Variants in SLX4IP observed in about 807,000 individuals in gnomAD.
SLX4IP encodes the protein SLX4 interacting protein.
In SLX4IP, 34 loss-of-function variants were observed where a neutral mutation model predicts 32.9. That is an observed-to-expected ratio of 1.03 (90% CI 0.79 to 1.38). The LOEUF is 1.38. Among genes scored for constraint, SLX4IP ranks in the 40% most tolerant of loss-of-function variants. The pLI is 0.00. For missense variants in SLX4IP, 444 were observed against 479.0 expected, an observed-to-expected ratio of 0.93 and a Z score of 0.68; for synonymous variants, 172 against 171.7, an observed-to-expected ratio of 1.00 and a Z score of -0.01.
chr20:10,557,685 G>T (rs1262201897), intron 3 of SLX4IP, among the ~76,000 whole-genome samples: 1 of 152,136 alleles, frequency 6.6e-6, no homozygotes, highest in Non-Finnish European at 1.5e-5. Flanking sequence ...TTCCCTTTCG[G>T]CTTTGCCACC....
intron 6 of SLX4IP, among the ~76,000 whole-genome samples, chr20:10,617,332 TG>T (rs2067047337): frequency 6.6e-6 from 1 of 152,186 alleles, no homozygotes; most frequent in Non-Finnish European, 1.5e-5. Context: ...GGATGGGTCT[TG>T]GGAATCTCCA....
intron 4 of SLX4IP, among the ~76,000 whole-genome samples, chr20:10,580,806 T>A (rs1263916600): frequency 6.6e-6 from 1 of 152,174 alleles, no homozygotes; most frequent in Non-Finnish European, 1.5e-5. Flanking sequence ...ACTCCTCTAC[T>A]GAAATCATTT....
intron 2 of SLX4IP, among the ~76,000 whole-genome samples, chr20:10,533,681 A>G (rs546709232): frequency 3.4e-4 from 48 of 141,902 alleles, no homozygotes; most frequent in Non-Finnish European, 4.5e-4. Context: ...ATGCAATGGC[A>G]TGATTTTAGC....
intron 2 of SLX4IP, among the ~76,000 whole-genome samples, chr20:10,474,276 CAA>C (rs1157410095): frequency 3.3e-5 from 5 of 152,188 alleles, no homozygotes; most frequent in Non-Finnish European, 7.3e-5. Flanking sequence ...GCTGGTCTAA[CAA>C]TATTTCAAGT....
chr20:10,520,191 C>G (rs1368788618), intron 2 of SLX4IP, among the ~76,000 whole-genome samples: 1 of 152,104 alleles, frequency 6.6e-6, no homozygotes, highest in Non-Finnish European at 1.5e-5. Context: ...GCTGGGACTA[C>G]AGGCGCCCGC....
At chr20:10,560,512 C>T (rs752230724) in intron 3 of SLX4IP, among the ~76,000 whole-genome samples, 188 bp from the exon 4 acceptor site, 2 of 152,184 alleles carry the variant, frequency 1.3e-5, no homozygotes, top group Non-Finnish European at 2.9e-5. Flanking sequence ...ATCATGGTTT[C>T]GAGCAAACTT....
At chr20:10,471,431 A>G (rs2065424095) in intron 2 of SLX4IP, among the ~76,000 whole-genome samples, 1 of 152,224 alleles carries the variant, frequency 6.6e-6, no homozygotes, top group South Asian at 2.1e-4. Context: ...CAGAGCACCC[A>G]GCATAGCTGG....
Position 10,440,314 on chromosome 20 carries a change from G to GC in SLX4IP, c.-30+4862dup, listed in dbSNP as rs575506440. Among the ~76,000 whole-genome samples, 205 of 151,944 alleles carry GC rather than the reference G, an allele frequency of 1.3e-3. 1 individual carries two copies. Among genetic ancestry groups the GC allele is most frequent in the African/African-American group, 4.7e-3 (196 of 41,436 alleles). ...TACTAAAAATACAAAAATTAGCTGG[G>GC]CATGGTGGTGCACACCTGTAATCCT... On this transcript the variant is annotated intron_variant, in intron 1 of 7. Transcript: ENST00000334534.
At chr20:10,452,680 A>AATATATATAT (rs1280513421) in intron 1 of SLX4IP, among the ~76,000 whole-genome samples, 3 of 109,502 alleles carry the variant, frequency 2.7e-5, no homozygotes, top group Middle Eastern at 4.6e-3. Context: ...AAAAAAAAAA[A>AATATATATAT]ATATATATAT....
chr20:10,439,518 T>C (rs1429983642), intron 1 of SLX4IP, among the ~76,000 whole-genome samples: 1 of 152,220 alleles, frequency 6.6e-6, no homozygotes, highest in African/African-American at 2.4e-5. Context: ...CCTAACAATT[T>C]TTTTAGAAGT....
At chr20:10,509,421 A>C (rs190737160) in intron 2 of SLX4IP, among the ~76,000 whole-genome samples, 1 of 152,224 alleles carries the variant, frequency 6.6e-6, no homozygotes, top group Admixed American at 6.5e-5. Context: ...CCATGGGTGA[A>C]ATTGCTCTGA....
At chr20:10,501,185 T>C (rs1456650783) in intron 2 of SLX4IP, among the ~76,000 whole-genome samples, 1 of 152,174 alleles carries the variant, frequency 6.6e-6, no homozygotes, top group Non-Finnish European at 1.5e-5. Context: ...ACATTGTAGT[T>C]ATATAATATT....
chr20:10,458,178 C>A lies in SLX4IP; in HGVS notation c.-27C>A. On this transcript the variant is annotated splice_region_variant and 5_prime_UTR_variant, in exon 2 of 8. It adds an upstream start codon to the 5' untranslated region. Coordinates refer to ENST00000334534, the MANE Select transcript of SLX4IP (RefSeq NM_001009608.3). ...TGTAACTTTTTTTTTTCTTAAAGGT[C>A]TGTAGTTACTGTGGAATCAATAAGC... is the stretch of plus-strand genomic sequence containing the variant. The A allele has an allele frequency of 1.3e-6, 2 of 1,562,162 alleles. No individual in the cohort carries two copies. The highest frequency in any genetic ancestry group is 8.6e-7 in the Non-Finnish European group (1 of 1,161,608).
At chr20:10,554,689 C>A (rs952261873) in intron 2 of SLX4IP, among the ~76,000 whole-genome samples, 2 of 152,088 alleles carry the variant, frequency 1.3e-5, no homozygotes, top group African/African-American at 4.8e-5. Context: ...TGCCTGATGA[C>A]TAATGATATT....
intron 2 of SLX4IP, among the ~76,000 whole-genome samples, chr20:10,473,366 T>A (rs1389523661): frequency 6.6e-6 from 1 of 152,176 alleles, no homozygotes; most frequent in Non-Finnish European, 1.5e-5. Flanking sequence ...CATTAGTATC[T>A]CCCACAGTCA....
At chr20:10,464,754 AC>A (rs2065366099) in intron 2 of SLX4IP, among the ~76,000 whole-genome samples, 1 of 149,482 alleles carries the variant, frequency 6.7e-6, no homozygotes, top group South Asian at 2.1e-4. Flanking sequence ...TACCCATCTG[AC>A]CTTCCTGCAT....
At chr20:10,541,375 G>A (rs914747073) in intron 2 of SLX4IP, among the ~76,000 whole-genome samples, 1 of 152,140 alleles carries the variant, frequency 6.6e-6, no homozygotes, top group African/African-American at 2.4e-5. Context: ...TCCCAATGTT[G>A]CTTGCCCTTT....
chr20:10,486,341 T>TGC (rs1233358212), intron 2 of SLX4IP, among the ~76,000 whole-genome samples: 2 of 126,032 alleles, frequency 1.6e-5, no homozygotes, highest in African/African-American at 5.7e-5. Context: ...GACATTACCA[T>TGC]GCACAGAGTG....
At chr20:10,515,822 A>G (rs1367011088) in intron 2 of SLX4IP, among the ~76,000 whole-genome samples, 4 of 152,212 alleles carry the variant, frequency 2.6e-5, no homozygotes, top group African/African-American at 9.7e-5. Flanking sequence ...TAAGAGAGAT[A>G]AAGTCTTTAC....
Sources: gnomAD v4.1 joint callset for allele counts (sites outside exome capture counted in the v4.1 genomes callset) on GRCh38, gnomAD v4.1.1 for gene constraint, MANE v1.5 for transcripts, NCBI Gene and HGNC (gene_info 2026-07-23, HGNC 2026-07-21) for gene names.